Variants in PTPRK observed in about 807,000 individuals in gnomAD.
The protein encoded by PTPRK is receptor-type tyrosine-protein phosphatase kappa.
In PTPRK, 75 loss-of-function variants were observed where a neutral mutation model predicts 178.0. That is an observed-to-expected ratio of 0.42 (90% confidence interval 0.35 to 0.51). The LOEUF (loss-of-function observed/expected upper bound fraction) is 0.51. Ranked by LOEUF, PTPRK falls within the 20% of genes least tolerant of loss-of-function variation. PTPRK has a pLI of 0.02. For synonymous variants in PTPRK, 637 were observed against 620.6 expected (o/e 1.03, Z -0.39); for missense variants, 1,441 against 1,797.8 (o/e 0.80, Z 3.59).
At chr6:128,149,809 A>T (rs1298848060) in intron 7 of PTPRK, among the ~76,000 whole-genome samples, 2 of 152,136 alleles carry the variant, frequency 1.3e-5, no homozygotes, top group Admixed American at 1.3e-4. Context: ...GTTCCTGCCA[A>T]ACTAAATCAG....
At chr6:128,083,862 A>AGGAG in intron 8 of PTPRK, 38 bp from the exon 9 acceptor site, 1 of 1,130,858 alleles carries the variant, frequency 8.8e-7, no homozygotes, top group South Asian at 1.8e-5. Flanking sequence ...GAAAATGCTT[A>AGGAG]CATTAGAAAC....
At chr6:127,977,483 A>C (rs1774738031) in intron 25 of PTPRK, among the ~76,000 whole-genome samples, 1 of 152,220 alleles carries the variant, frequency 6.6e-6, no homozygotes, top group Non-Finnish European at 1.5e-5. Context: ...TCTATCAATC[A>C]TCTGGGTATG....
At chr6:127,985,601 A>G (rs1240255048) in intron 22 of PTPRK, 120 bp downstream of exon 22, 4 of 1,166,062 alleles carry the variant, frequency 3.4e-6, no homozygotes, top group South Asian at 3.9e-5. Context: ...TACTTTATCT[A>G]TAATACAAGC....
At chr6:128,397,956 A>G (rs1398899053) in intron 1 of PTPRK, among the ~76,000 whole-genome samples, 1 of 152,216 alleles carries the variant, frequency 6.6e-6, no homozygotes, top group Admixed American at 6.5e-5. Flanking sequence ...AGATACATGC[A>G]TAAGTCAGGC....
chr6:128,278,046 C>T (rs756768296), intron 3 of PTPRK, among the ~76,000 whole-genome samples: 8 of 152,026 alleles, frequency 5.3e-5, no homozygotes, highest in African/African-American at 1.9e-4. Flanking sequence ...TAAATGAATA[C>T]TTTCTGGCTC....
intron 6 of PTPRK, among the ~76,000 whole-genome samples, chr6:128,192,883 A>C (rs1583416786): frequency 8.2e-6 from 1 of 122,040 alleles, no homozygotes; most frequent in Non-Finnish European, 1.7e-5. Context: ...AGGGGAGGAG[A>C]GGGAGGAAGG....
chr6:128,101,924 T>C (rs1788858491), intron 7 of PTPRK, among the ~76,000 whole-genome samples: 1 of 152,212 alleles, frequency 6.6e-6, no homozygotes, highest in African/African-American at 2.4e-5. Context: ...CAGTGACAGC[T>C]TGGTCAGGAA....
chr6:128,224,297 AC>A (rs1388927749), intron 5 of PTPRK, among the ~76,000 whole-genome samples: 2 of 152,300 alleles, frequency 1.3e-5, no homozygotes, highest in African/African-American at 4.8e-5. Flanking sequence ...CTTGTCACTT[AC>A]CAAGTAACCC....
intron 3 of PTPRK, among the ~76,000 whole-genome samples, chr6:128,302,230 T>C (rs1382218751): frequency 1.3e-5 from 2 of 151,138 alleles, no homozygotes; most frequent in Non-Finnish European, 3.0e-5. Flanking sequence ...CTACTAAAAA[T>C]ACAAAAACAA....
rs73596687 is a variant in PTPRK, at chr6:128,290,588, T to C, written c.495+31451A>G. On this transcript the variant is annotated intron_variant, in intron 3 of 29. Transcript: ENST00000368226. ...CCTCCTCAGGCTTGGGAAACCCTGG[T>C]GTAGAGATTAGGGGAACAGGGGCCA... Among the ~76,000 whole-genome samples the C allele has an allele frequency of 9.9e-3, 1,510 of 152,112 alleles. 34 individuals carry two copies. The highest frequency in any genetic ancestry group is 0.035 in the African/African-American group (1,439 of 41,500).
intron 3 of PTPRK, among the ~76,000 whole-genome samples, chr6:128,275,064 C>G (rs919533530): frequency 6.6e-6 from 1 of 151,900 alleles, no homozygotes; most frequent in African/African-American, 2.4e-5. Context: ...GAACACTTAC[C>G]ATGCATATTT....
intron 7 of PTPRK, among the ~76,000 whole-genome samples, chr6:128,148,817 G>A (rs2114547312): frequency 6.6e-6 from 1 of 152,116 alleles, no homozygotes; most frequent in African/African-American, 2.4e-5. Flanking sequence ...GATATGTCCA[G>A]CTACAATGAT....
At chr6:128,108,093 C>CACAA (rs1228898436) in intron 7 of PTPRK, among the ~76,000 whole-genome samples, 1 of 151,448 alleles carries the variant, frequency 6.6e-6, no homozygotes, top group Non-Finnish European at 1.5e-5. Context: ...CACACACACA[C>CACAA]ACACACACAC....
chr6:128,329,606 C>T (rs1266604767), intron 2 of PTPRK, among the ~76,000 whole-genome samples: 1 of 152,084 alleles, frequency 6.6e-6, no homozygotes, highest in Non-Finnish European at 1.5e-5. Context: ...AATCTGAGTC[C>T]AAGTCCAAAG....
chr6:128,372,286 A>G (rs1836406813), intron 2 of PTPRK, among the ~76,000 whole-genome samples: 1 of 152,230 alleles, frequency 6.6e-6, no homozygotes, highest in Admixed American at 6.5e-5. Context: ...AAAGAATACC[A>G]GGAAATGGTG....
intron 1 of PTPRK, among the ~76,000 whole-genome samples, chr6:128,498,084 G>T (rs1321803148): frequency 6.6e-6 from 1 of 151,950 alleles, no homozygotes; most frequent in African/African-American, 2.4e-5. Flanking sequence ...ATTTTCTTAG[G>T]AGCTGTAAAT....
intron 2 of PTPRK, among the ~76,000 whole-genome samples, chr6:128,343,489 A>T (rs1221179777): frequency 6.6e-6 from 1 of 150,586 alleles, no homozygotes; most frequent in Non-Finnish European, 1.5e-5. Context: ...AACAAGAGTG[A>T]AACTCCATCT....
In PTPRK at chr6:127,983,389, T is replaced by A; in HGVS notation, c.3252-12A>T. The A allele has an allele frequency of 6.2e-7, 1 of 1,610,900 alleles. No homozygotes were observed. The highest frequency in any genetic ancestry group is 8.5e-7 in the Non-Finnish European group (1 of 1,178,578). On this transcript the variant is annotated splice_polypyrimidine_tract_variant and intron_variant, in intron 22 of 29. Transcript: ENST00000368226. ...GTCCAGCACCAGCACTGAAAAACAA[T>A]TAAATTTAATGAATTGTAAGAAGCA...
At chr6:128,237,383 A>G (rs1040315776) in intron 5 of PTPRK, among the ~76,000 whole-genome samples, 4 of 152,104 alleles carry the variant, frequency 2.6e-5, no homozygotes, top group Non-Finnish European at 5.9e-5. Context: ...CTTCAAGTAC[A>G]TTCATTCTCA....
Sources: gnomAD v4.1 joint callset for allele counts (sites outside exome capture counted in the v4.1 genomes callset) on GRCh38, gnomAD v4.1.1 for gene constraint, MANE v1.5 for transcripts, NCBI Gene and HGNC (gene_info 2026-07-23, HGNC 2026-07-21) for gene names.